OCIAD2: variants seen among roughly 807,000 people sequenced by gnomAD.
The protein encoded by OCIAD2 is OCIA domain-containing protein 2.
In OCIAD2, 29 loss-of-function variants were observed where a neutral mutation model predicts 22.9. The observed-to-expected ratio is 1.27, with a 90% confidence interval of 0.94 to 1.73. The LOEUF (loss-of-function observed/expected upper bound fraction) is 1.73, where lower values mean the gene tolerates loss of function less well. Among genes scored for constraint, OCIAD2 ranks in the 40% most tolerant of loss-of-function variants. The pLI, the probability that OCIAD2 is intolerant of heterozygous loss-of-function variation, is 0.00. For synonymous variants in OCIAD2, 67 were observed against 60.2 expected, an observed-to-expected ratio of 1.11 and a Z score of -0.52; for missense variants, 189 against 180.3, an observed-to-expected ratio of 1.05 and a Z score of -0.28.
At chr4:48,887,900 T>C (rs981344100) in intron 6 of OCIAD2, among the ~76,000 whole-genome samples, 16 of 152,188 alleles carry the variant, frequency 1.1e-4, no homozygotes, top group African/African-American at 3.9e-4. Flanking sequence ...TTGATGGGGA[T>C]GGCATTGAAT....
At chr4:48,886,684 T>A (rs761084633) in intron 6 of OCIAD2, among the ~76,000 whole-genome samples, 1 of 152,182 alleles carries the variant, frequency 6.6e-6, no homozygotes, top group Non-Finnish European at 1.5e-5. Context: ...CCTTTTTTTA[T>A]GGCTGCATAG....
intron 6 of OCIAD2, among the ~76,000 whole-genome samples, chr4:48,892,274 A>T (rs1233966780): frequency 6.6e-6 from 1 of 152,254 alleles, no homozygotes; most frequent in Non-Finnish European, 1.5e-5. Context: ...TGAAGATCAG[A>T]GAGCTTAAGA....
At chr4:48,885,739 C>A (rs1780967446) in intron 6 of OCIAD2, among the ~76,000 whole-genome samples, 174 bp from the exon 7 acceptor site, 1 of 152,082 alleles carries the variant, frequency 6.6e-6, no homozygotes, top group Non-Finnish European at 1.5e-5. Flanking sequence ...TCCCACCCAA[C>A]CCTCTTGAGT....
At chr4:48,900,888 C>A (rs979540395) in intron 2 of OCIAD2, among the ~76,000 whole-genome samples, 5 of 152,064 alleles carry the variant, frequency 3.3e-5, no homozygotes, top group African/African-American at 1.2e-4. Flanking sequence ...GTCACTGATC[C>A]CAGCCTTGCG....
intron 6 of OCIAD2, among the ~76,000 whole-genome samples, chr4:48,887,038 T>A (rs7692552): frequency 0.94 from 139,204 of 148,398 alleles, 65,359 homozygotes; most frequent in East Asian, 1. Context: ...CCATTCTAAC[T>A]GGTGTGAGAT....
At chr4:48,896,475 C>G (rs1232492597) in intron 4 of OCIAD2, among the ~76,000 whole-genome samples, 1 of 152,062 alleles carries the variant, frequency 6.6e-6, no homozygotes, top group Non-Finnish European at 1.5e-5. Context: ...TGTCTATAGA[C>G]CCAGCTACTT....
At chr4:48,894,428 G>T in intron 4 of OCIAD2, among the ~76,000 whole-genome samples, 1 of 152,138 alleles carries the variant, frequency 6.6e-6, no homozygotes, top group East Asian at 1.9e-4. Context: ...AGGAGGCGGA[G>T]GTTGCAGTGA....
intron 6 of OCIAD2, among the ~76,000 whole-genome samples, chr4:48,887,014 C>T (rs1386055917): frequency 1.3e-5 from 2 of 152,100 alleles, no homozygotes; most frequent in Non-Finnish European, 2.9e-5. Context: ...TGTTTCCTGA[C>T]TTTTTAATGA....
At chr4:48,886,830 C>A (rs1781002763) in intron 6 of OCIAD2, among the ~76,000 whole-genome samples, 2 of 152,274 alleles carry the variant, frequency 1.3e-5, no homozygotes, top group Admixed American at 1.3e-4. Context: ...TAGCAGCAGG[C>A]TTTATAATCC....
At chr4:48,887,550 A>G (rs1362146186) in intron 6 of OCIAD2, among the ~76,000 whole-genome samples, 2 of 152,180 alleles carry the variant, frequency 1.3e-5, no homozygotes, top group African/African-American at 4.8e-5. Flanking sequence ...TCAGCTTTCT[A>G]CATATGGCTA....
chr4:48,890,269 A>G (rs1050755388), intron 6 of OCIAD2, among the ~76,000 whole-genome samples: 1 of 151,740 alleles, frequency 6.6e-6, no homozygotes, highest in Non-Finnish European at 1.5e-5. Context: ...AAAAAGAAAT[A>G]ATAGGAGTTG....
intron 2 of OCIAD2, among the ~76,000 whole-genome samples, chr4:48,901,655 T>C (rs1381586416): frequency 6.6e-6 from 1 of 152,250 alleles, no homozygotes; most frequent in East Asian, 1.9e-4. Flanking sequence ...ATTCCTGTAA[T>C]TGGATCTGGG....
chr4:48,905,381 T>A (rs1453026758), intron 1 of OCIAD2, among the ~76,000 whole-genome samples: 3 of 149,572 alleles, frequency 2.0e-5, no homozygotes, highest in Non-Finnish European at 4.4e-5. Context: ...TACTGGAGAA[T>A]ATGAACACTG....
At chr4:48,892,386 A>AT (rs1781196954) in intron 6 of OCIAD2, among the ~76,000 whole-genome samples, 1 of 152,132 alleles carries the variant, frequency 6.6e-6, no homozygotes, top group East Asian at 1.9e-4. Flanking sequence ...CGTACTGCCT[A>AT]TTTCCCCTAT....
intron 2 of OCIAD2, among the ~76,000 whole-genome samples, chr4:48,903,748 C>T (rs1342473393): frequency 6.6e-6 from 1 of 150,486 alleles, no homozygotes; most frequent in Non-Finnish European, 1.5e-5. Context: ...TGGGTTCATG[C>T]CATTCTCCTG....
At chr4:48,902,492 G>T (rs1229243258) in intron 2 of OCIAD2, among the ~76,000 whole-genome samples, 1 of 152,182 alleles carries the variant, frequency 6.6e-6, no homozygotes. Context: ...AAGTCCCAGG[G>T]TGAGTCACAG....
intron 6 of OCIAD2, among the ~76,000 whole-genome samples, chr4:48,888,220 C>A (rs1440796190): frequency 1.3e-5 from 2 of 152,160 alleles, no homozygotes; most frequent in Non-Finnish European, 2.9e-5. Context: ...TGCTTATCAG[C>A]TTAAGGAGAT....
Position 48,885,560 on chromosome 4 carries a change from C to G in OCIAD2, c.389G>C (p.Cys130Ser). 1 of 1,598,902 alleles carries G rather than the reference C, an allele frequency of 6.3e-7. No homozygotes were observed. Among genetic ancestry groups the G allele is most frequent in the Non-Finnish European group, 8.6e-7 (1 of 1,166,196 alleles). ...AGFGPQHNRHCLLTCEECKIK... is the reference protein window; with the variant it reads ...AGFGPQHNRHSLLTCEECKIK... ...TTTGCATTCCTCACAGGTAAGGAGG[C>G]AGTGCCTAGAAGAGAAGCAAAAATA... The change falls in exon 7 of 7, where the codon TGC (cysteine) becomes TCC (serine). Residue 130 changes from cysteine (C) to serine (S), a missense_variant. Physicochemically the swap from Cys to Ser is moderately radical, Grantham distance 112. Transcript: ENST00000508632.
At chr4:48,892,673 G>A (rs1781201962) in intron 6 of OCIAD2, 99 bp downstream of exon 6, 1 of 605,326 alleles carries the variant, frequency 1.7e-6, no homozygotes, top group Non-Finnish European at 2.7e-6. Context: ...TTTTACATGT[G>A]AATTTAAAAA....
Sources: gnomAD v4.1 joint callset for allele counts (sites outside exome capture counted in the v4.1 genomes callset) on GRCh38, gnomAD v4.1.1 for gene constraint, MANE v1.5 for transcripts, NCBI Gene and HGNC (gene_info 2026-07-23, HGNC 2026-07-21) for gene names.